The following FBN2 variants were observed in gnomAD, a reference collection of about 807,000 sequenced individuals.
FBN2 encodes the protein fibrillin 2, also known as fibrillin-2.
Under a neutral mutation model 355.6 loss-of-function variants are expected in FBN2, and 105 were observed. The ratio of observed to expected loss-of-function variants is 0.30; its 90% CI spans 0.25 to 0.35. FBN2 has a LOEUF of 0.35. Ranked by LOEUF, FBN2 falls within the 10% of genes least tolerant of loss-of-function variation. The pLI, the probability that FBN2 is intolerant of heterozygous loss-of-function variation, is 1.00. For missense variants in FBN2, 3,280 were observed against 3,758.7 expected (o/e 0.87, Z 3.33); for synonymous variants, 1,350 against 1,301.2 (o/e 1.04, Z -0.81).
At chr5:128,431,909 A>G (rs1446063265) in intron 7 of FBN2, among the ~76,000 whole-genome samples, 1 of 152,206 alleles carries the variant, frequency 6.6e-6, no homozygotes, top group Non-Finnish European at 1.5e-5. Context: ...GCATTAAAAC[A>G]TATGGATTAT....
chr5:128,536,112 T>C lies in FBN2; in HGVS notation c.337+290A>G, dbSNP rs2112808692. Reference sequence around the variant, plus strand: ...TGAGTTATCTAGATAATTGCTCTACTCCTCCCCTCTTCCAATTTGTATTAA... The same window carrying C: ...TGAGTTATCTAGATAATTGCTCTACCCCTCCCCTCTTCCAATTTGTATTAA... On this transcript the variant is annotated intron_variant, in intron 2 of 64. Transcript: ENST00000262464. Among the ~76,000 whole-genome samples, 4 of 152,316 alleles carry C rather than the reference T, an allele frequency of 2.6e-5. 1 individual carries two copies. In the South Asian group the frequency reaches 8.3e-4, roughly 32 times the overall value.
intron 15 of FBN2, among the ~76,000 whole-genome samples, chr5:128,369,733 C>A (rs571565590): frequency 5.5e-4 from 83 of 152,276 alleles, no homozygotes; most frequent in African/African-American, 1.9e-3. Flanking sequence ...CAATGAAGTG[C>A]AATCAAGTTA....
intron 6 of FBN2, among the ~76,000 whole-genome samples, chr5:128,447,860 C>T (rs1754115297): frequency 1.3e-5 from 2 of 152,320 alleles, no homozygotes; most frequent in Middle Eastern, 6.8e-3. Context: ...CTGGCCAACA[C>T]TTAGGGAAAT....
Position 128,303,101 on chromosome 5 carries a change from T to C in FBN2, c.5801-12A>G. ...GCACTCATCAACATCTATAAAGAAA[T>C]ATAGGCTCAAAAAATTCAATTTTTA... On this transcript the variant is annotated splice_polypyrimidine_tract_variant and intron_variant, in intron 45 of 64. Transcript: ENST00000262464. The C allele has an allele frequency of 2.6e-6, 4 of 1,528,184 alleles. No homozygotes were observed. The highest frequency in any genetic ancestry group is 3.6e-6 in the Non-Finnish European group (4 of 1,101,906). The allele number at this position is 1,528,184 out of a possible 1,614,324, so 94.7% of individuals were successfully genotyped here.
intron 30 of FBN2, 40 bp downstream of exon 30, chr5:128,335,130 T>C (rs748287898): frequency 3.1e-6 from 5 of 1,613,068 alleles, no homozygotes; most frequent in Non-Finnish European, 4.2e-6. Context: ...TGTGTGTGCA[T>C]GTGTGTGTAT....
At chr5:128,436,622 A>C (rs1753773290) in intron 7 of FBN2, among the ~76,000 whole-genome samples, 1 of 152,000 alleles carries the variant, frequency 6.6e-6, no homozygotes, top group Non-Finnish European at 1.5e-5. Flanking sequence ...ACAAATAAGA[A>C]AAAGTCAAAA....
At chr5:128,510,757 T>G (rs759286830) in intron 5 of FBN2, among the ~76,000 whole-genome samples, 22 of 152,322 alleles carry the variant, frequency 1.4e-4, no homozygotes, top group Non-Finnish European at 2.5e-4. Flanking sequence ...AGCCATCCCT[T>G]TAATTCAATG....
chr5:128,316,416 A>G (rs991390606), intron 36 of FBN2, among the ~76,000 whole-genome samples: 5 of 152,316 alleles, frequency 3.3e-5, no homozygotes, highest in South Asian at 2.1e-4. Flanking sequence ...GTTCCAATAG[A>G]TTCCTATGGC....
chr5:128,321,152 T>C (rs1305425860), intron 34 of FBN2, among the ~76,000 whole-genome samples: 1 of 152,230 alleles, frequency 6.6e-6, no homozygotes, highest in Admixed American at 6.5e-5. Flanking sequence ...AGGTGTTTTC[T>C]ACCTGACTTA....
intron 4 of FBN2, among the ~76,000 whole-genome samples, chr5:128,522,240 T>C (rs753814248): frequency 1.4e-4 from 21 of 152,298 alleles, no homozygotes; most frequent in Non-Finnish European, 2.5e-4. Flanking sequence ...TCTGTTTGCC[T>C]TTGAATCCCT....
In FBN2 at chr5:128,310,071, C is replaced by T. The variant is rs143164479; in HGVS notation, c.5112G>A (p.Gly1704=). 15 of 1,613,088 alleles carry T rather than the reference C, an allele frequency of 9.3e-6. No individual in the cohort carries two copies. The African/African-American group carries it at 1.7e-4, about 19-fold the overall frequency. The change falls in exon 40 of 65, where the codon GGG becomes GGA. Residue 1704 remains glycine (G), a synonymous_variant. Coordinates refer to ENST00000262464, the MANE Select transcript of FBN2 (RefSeq NM_001999.4). ...CCAGGGTGTTATAGCAGGTCCCAGG[C>T]CCACACACACCAGGATGTGCAAAAC... ...DECFAHPGVC[G]PGTCYNTLGN... is the part of the protein sequence containing the mutation.
chr5:128,408,118 C>G (rs1752979135), intron 8 of FBN2, among the ~76,000 whole-genome samples: 1 of 152,156 alleles, frequency 6.6e-6, no homozygotes, highest in Non-Finnish European at 1.5e-5. Context: ...CATCAAAAGA[C>G]ACTTCATAAT....
chr5:128,397,959 G>A (rs1752693468), intron 8 of FBN2, among the ~76,000 whole-genome samples: 1 of 152,096 alleles, frequency 6.6e-6, no homozygotes, highest in Admixed American at 6.6e-5. Flanking sequence ...ATATGGATAA[G>A]GTAATGGAGG....
At chr5:128,446,653 A>C (rs749728991) in intron 6 of FBN2, 47 bp from the exon 7 acceptor site, 1 of 1,600,664 alleles carries the variant, frequency 6.2e-7, no homozygotes, top group Non-Finnish European at 8.5e-7. Context: ...GGTTTTCAGA[A>C]TATCTATACT....
At chr5:128,447,306 G>A (rs1754092234) in intron 6 of FBN2, among the ~76,000 whole-genome samples, 1 of 152,170 alleles carries the variant, frequency 6.6e-6, no homozygotes, top group Non-Finnish European at 1.5e-5. Context: ...AAAGCAAATA[G>A]GAGAAATATC....
At chr5:128,422,365 A>G (rs1436314315) in intron 7 of FBN2, among the ~76,000 whole-genome samples, 5 of 152,322 alleles carry the variant, frequency 3.3e-5, no homozygotes, top group South Asian at 2.1e-4. Flanking sequence ...GATAAGAAAT[A>G]AGTAGAAACT....
intron 5 of FBN2, among the ~76,000 whole-genome samples, chr5:128,493,837 C>A (rs1755575487): frequency 6.6e-6 from 1 of 152,060 alleles, no homozygotes; most frequent in Non-Finnish European, 1.5e-5. Flanking sequence ...GATTTGGTGA[C>A]AGATCTGTTA....
rs1765329715 is a variant in FBN2 at position 128,274,193 on chromosome 5, G to T, written c.7712-225C>A. ...TGAGCATATTTTGGAGTGATTGAAG[G>T]CACACTGACTAAAGTTCCTTAACAT... On this transcript the variant is annotated intron_variant, in intron 60 of 64. Transcript: ENST00000262464. Among the ~76,000 whole-genome samples the T allele has an allele frequency of 6.6e-5, 10 of 152,244 alleles. No individual in the cohort carries two copies. The South Asian group carries it at 1.9e-3, about 28-fold the overall frequency.
At chr5:128,288,829 T>C (rs951383719) in intron 52 of FBN2, among the ~76,000 whole-genome samples, 3 of 152,224 alleles carry the variant, frequency 2.0e-5, no homozygotes, top group Admixed American at 6.5e-5. Flanking sequence ...AGAGCAGGCA[T>C]GGAAGGGCAT....
Sources: allele counts gnomAD v4.1 joint callset (sites outside exome capture counted in the v4.1 genomes callset), GRCh38; gene constraint gnomAD v4.1.1; transcripts MANE v1.5; gene names NCBI Gene and HGNC (gene_info 2026-07-23, HGNC 2026-07-21).